The following PARD3 variants were observed in gnomAD, a reference collection of about 807,000 sequenced individuals.
The protein encoded by PARD3 is par-3 family cell polarity regulator.
A neutral mutation model predicts 155.4 loss-of-function variants in PARD3; 75 were observed. That is an observed-to-expected ratio of 0.48 (90% CI 0.40 to 0.58). PARD3 has a LOEUF of 0.58. Ranked by LOEUF, PARD3 falls within the 20% of genes least tolerant of loss-of-function variation. The probability of loss-of-function intolerance (pLI) is 0.00; values close to 1 mark genes in which losing one functional copy is unlikely to be tolerated. For synonymous variants in PARD3, 576 were observed against 610.5 expected (o/e 0.94, Z 0.83); for missense variants, 1,642 against 1,721.7 (o/e 0.95, Z 0.82).
At chr10:34,532,962 T>A (rs2082960338) in intron 2 of PARD3, among the ~76,000 whole-genome samples, 1 of 152,210 alleles carries the variant, frequency 6.6e-6, no homozygotes, top group Non-Finnish European at 1.5e-5. Flanking sequence ...ACACCTAAGC[T>A]ATTATGTTAC....
At chr10:34,518,960 C>T (rs1051254304) in intron 2 of PARD3, among the ~76,000 whole-genome samples, 1 of 152,164 alleles carries the variant, frequency 6.6e-6, no homozygotes, top group Non-Finnish European at 1.5e-5. Context: ...TATCAAGTAC[C>T]ATCTGATAAA....
At chr10:34,766,005 G>A (rs1214670842) in intron 1 of PARD3, among the ~76,000 whole-genome samples, 1 of 152,164 alleles carries the variant, frequency 6.6e-6, no homozygotes, top group African/African-American at 2.4e-5. Context: ...CCTACCTACA[G>A]TCTGTGCTCT....
At chr10:34,629,258 A>G (rs1250666489) in intron 2 of PARD3, among the ~76,000 whole-genome samples, 1 of 152,140 alleles carries the variant, frequency 6.6e-6, no homozygotes, top group Non-Finnish European at 1.5e-5. Flanking sequence ...GTTCAATAAA[A>G]CCTGTTAAAA....
At chr10:34,724,855 G>T (rs1354445779) in intron 1 of PARD3, among the ~76,000 whole-genome samples, 2 of 152,186 alleles carry the variant, frequency 1.3e-5, no homozygotes, top group Non-Finnish European at 2.9e-5. Context: ...CGTAACTGCG[G>T]AGCAAATGCT....
rs1169550736 is a variant in PARD3, at chr10:34,645,117, TGCTGGAATTACA to T, written c.222+51189_222+51200del. On this transcript the variant is annotated intron_variant, in intron 2 of 24. Coordinates refer to ENST00000374788, the MANE Select transcript of PARD3 (RefSeq NM_001184785.2). The stretch of plus-strand genomic sequence containing the variant: ...ATCCTCTCGCCTTGGCCTTCCAAAG[TGCTGGAATTACA>T]GGCATGAGCCATCACACCCAGCCAA... Among the ~76,000 whole-genome samples, 21 of 152,308 alleles carry T rather than the reference TGCTGGAATTACA, an allele frequency of 1.4e-4. No homozygotes were observed. The East Asian group carries it at 4.1e-3, about 29-fold the overall frequency.
intron 22 of PARD3, among the ~76,000 whole-genome samples, chr10:34,217,852 G>A (rs1221164626): frequency 2.0e-5 from 3 of 152,108 alleles, no homozygotes; most frequent in African/African-American, 7.2e-5. Context: ...AAAGAGGGAG[G>A]TAGACACCAA....
intron 2 of PARD3, among the ~76,000 whole-genome samples, chr10:34,651,656 ATACAG>A (rs2133059518): frequency 6.6e-6 from 1 of 152,348 alleles, no homozygotes; most frequent in Admixed American, 6.5e-5. Flanking sequence ...AGCGACGTTA[ATACAG>A]TATGCTGGTA....
intron 7 of PARD3, among the ~76,000 whole-genome samples, chr10:34,392,208 ATG>A (rs1236241504): frequency 2.6e-5 from 4 of 152,286 alleles, no homozygotes; most frequent in African/African-American, 9.6e-5. Context: ...TCTCTTAGAG[ATG>A]TGATTTCATT....
intron 4 of PARD3, among the ~76,000 whole-genome samples, chr10:34,463,646 A>G (rs2077821191): frequency 6.6e-6 from 1 of 152,214 alleles, no homozygotes; most frequent in African/African-American, 2.4e-5. Context: ...ACCCAAATAC[A>G]GCAAATGTAC....
Position 34,164,739 on chromosome 10 carries a change from G to A in PARD3, c.3420-33156C>T, listed in dbSNP as rs150333748. On this transcript the variant is annotated intron_variant, in intron 22 of 24. Coordinates refer to ENST00000374788, the MANE Select transcript of PARD3 (RefSeq NM_001184785.2). Reference sequence around the variant, plus strand: ...AATGTAAAACTGAATTGTATGTAAAGTTGTTCTTTTTTCAAAAATCAGAAA... The same window carrying A: ...AATGTAAAACTGAATTGTATGTAAAATTGTTCTTTTTTCAAAAATCAGAAA... Among the ~76,000 whole-genome samples, 858 of 152,314 alleles carry A rather than the reference G, an allele frequency of 5.6e-3. 9 individuals are homozygous for A. Among genetic ancestry groups the A allele is most frequent in the African/African-American group, 0.019 (794 of 41,576 alleles).
At chr10:34,740,851 A>T (rs1226341489) in intron 1 of PARD3, among the ~76,000 whole-genome samples, 1 of 152,080 alleles carries the variant, frequency 6.6e-6, no homozygotes. Flanking sequence ...CAGTGGTTAA[A>T]TTTTTTTTAA....
intron 19 of PARD3, among the ~76,000 whole-genome samples, chr10:34,324,057 A>G (rs571053689): frequency 2.0e-5 from 3 of 152,256 alleles, no homozygotes; most frequent in Non-Finnish European, 4.4e-5. Flanking sequence ...AACGTACACA[A>G]CGTCTGTTTG....
intron 2 of PARD3, among the ~76,000 whole-genome samples, chr10:34,561,721 T>C (rs1396309234): frequency 6.6e-6 from 1 of 151,408 alleles, no homozygotes; most frequent in African/African-American, 2.4e-5. Context: ...TTTCTCCACG[T>C]TGGTCAGGCT....
intron 3 of PARD3, among the ~76,000 whole-genome samples, chr10:34,512,684 G>A (rs1239176780): frequency 2.6e-5 from 4 of 152,022 alleles, no homozygotes; most frequent in African/African-American, 4.8e-5. Flanking sequence ...TTCCCTCCAC[G>A]TTCCTTTTTT....
intron 22 of PARD3, among the ~76,000 whole-genome samples, chr10:34,213,048 T>C (rs1038168246): frequency 6.6e-6 from 1 of 152,212 alleles, no homozygotes; most frequent in African/African-American, 2.4e-5. Context: ...TATCACATTA[T>C]CTTACTCTGT....
chr10:34,640,077 A>T (rs1195568402), intron 2 of PARD3, among the ~76,000 whole-genome samples: 1 of 152,208 alleles, frequency 6.6e-6, no homozygotes, highest in East Asian at 1.9e-4. Flanking sequence ...AATCCCTCTG[A>T]CTAGCAGTCT....
intron 2 of PARD3, among the ~76,000 whole-genome samples, chr10:34,652,565 G>T (rs1410506852): frequency 6.6e-6 from 1 of 152,150 alleles, no homozygotes. Context: ...TATTCTTCAA[G>T]TAACAGACAA....
At chr10:34,125,952 C>T (rs928241548) in intron 23 of PARD3, among the ~76,000 whole-genome samples, 9 of 152,222 alleles carry the variant, frequency 5.9e-5, no homozygotes, top group East Asian at 1.9e-4. Flanking sequence ...ACTGTACTTA[C>T]GTCTGCAGCC....
intron 2 of PARD3, among the ~76,000 whole-genome samples, chr10:34,653,669 G>C (rs1446278999): frequency 8.6e-5 from 13 of 151,958 alleles, no homozygotes; most frequent in Admixed American, 8.5e-4. Context: ...TGTGGTCCCA[G>C]CTACACAAGA....
Sources: allele counts gnomAD v4.1 joint callset (sites outside exome capture counted in the v4.1 genomes callset), GRCh38; gene constraint gnomAD v4.1.1; transcripts MANE v1.5; gene names NCBI Gene and HGNC (gene_info 2026-07-23, HGNC 2026-07-21).